The following B4GALT5 variants were observed in gnomAD, a reference collection of about 807,000 sequenced individuals.
The protein encoded by B4GALT5 is beta-1,4-galactosyltransferase 5, also known as UDP-Gal:beta-GlcNAc beta-1,4-galactosyltransferase 5.
In B4GALT5, 11 loss-of-function variants were observed where a neutral mutation model predicts 45.0. The observed-to-expected ratio is 0.24, with a 90% CI of 0.15 to 0.40. B4GALT5 has a LOEUF of 0.40. B4GALT5 is among the 10% of genes least tolerant of loss of function. The pLI is 1.00. For missense variants in B4GALT5, 337 were observed against 500.2 expected (o/e 0.67, Z 3.11); for synonymous variants, 185 against 182.9 (o/e 1.01, Z -0.09).
rs555100189 is a variant in B4GALT5 at position 49,647,186 on chromosome 20, A to G, written c.251-108T>C. 1.6e-5 allele frequency: 11 copies of G among 682,392 alleles called. No individual in the cohort carries two copies. The African/African-American group carries it at 1.8e-4, about 11-fold the overall frequency. The allele number at this position is 682,392 out of a possible 1,614,324, so 42.3% of individuals were successfully genotyped here. On this transcript the variant is annotated intron_variant, in intron 2 of 8. Coordinates refer to ENST00000371711, the MANE Select transcript of B4GALT5 (RefSeq NM_004776.4). Reference sequence around the variant, plus strand: ...TTCTCTTAGCTATCATCTTGGTAGAAGGAGACAGGACTCTGGACTACCGCT... The same window carrying G: ...TTCTCTTAGCTATCATCTTGGTAGAGGGAGACAGGACTCTGGACTACCGCT...
rs1555810431 is a variant in B4GALT5 at position 49,633,439 on chromosome 20, G to GTTATTTTT, written c.*2872_*2873insAAAAATAA. 6.8e-6 allele frequency: 1 copy of GTTATTTTT among 146,246 alleles called. No homozygotes were observed. Among genetic ancestry groups the GTTATTTTT allele is most frequent in the Non-Finnish European group, 1.5e-5 (1 of 66,606 alleles). The allele number at this position is 146,246 out of a possible 1,614,324, so 9.1% of individuals were successfully genotyped here. On this transcript the variant is annotated 3_prime_UTR_variant, in exon 9 of 9. Coordinates refer to ENST00000371711, the MANE Select transcript of B4GALT5 (RefSeq NM_004776.4). The stretch of plus-strand genomic sequence containing the variant: ...ATGCACAAGGTCACATTTGGTTCCT[G>GTTATTTTT]TTTTTTTTTTTAACATGACAATTTC...
chr20:49,651,746 C>T (rs980538017), intron 2 of B4GALT5, among the ~76,000 whole-genome samples: 1 of 152,188 alleles, frequency 6.6e-6, no homozygotes, highest in African/African-American at 2.4e-5. Context: ...GTTCAGCAGC[C>T]TTGGTTGCAC....
At chr20:49,707,092 T>G (rs2085887499) in intron 1 of B4GALT5, among the ~76,000 whole-genome samples, 1 of 152,094 alleles carries the variant, frequency 6.6e-6, no homozygotes, top group Non-Finnish European at 1.5e-5. Flanking sequence ...CGGCTAGGTA[T>G]CCTGGAACAG....
rs1431346993 is a variant in B4GALT5 at position 49,710,419 on chromosome 20, TG to T, written c.115+3156del. Among the ~76,000 whole-genome samples, 42 of 147,492 alleles carry T rather than the reference TG, an allele frequency of 2.8e-4. 1 individual carries two copies. The highest frequency in any genetic ancestry group is 3.6e-3 in the Middle Eastern group (1 of 280). The stretch of plus-strand genomic sequence containing the variant: ...ATTTTCTCTCTCTTTTTTTTTTTTT[TG>T]TGTGTGTGTGTGTGTATGAGACAGA... On this transcript the variant is annotated intron_variant, in intron 1 of 8. Coordinates refer to ENST00000371711, the MANE Select transcript of B4GALT5 (RefSeq NM_004776.4).
At position 49,636,193 on chromosome 20, in the gene B4GALT5, C is replaced by T; in HGVS notation, c.*119G>A. 1 of 1,321,840 alleles carries T rather than the reference C, an allele frequency of 7.6e-7. No homozygotes were observed. The highest frequency in any genetic ancestry group is 1.0e-6 in the Non-Finnish European group (1 of 955,426). The allele number at this position is 1,321,840 out of a possible 1,614,324, so 81.9% of individuals were successfully genotyped here. ...CATTTTCCCCCTGAACTCTGTGATC[C>T]TTCATGAGACACAGTATTTCTGTTC... On this transcript the variant is annotated 3_prime_UTR_variant, in exon 9 of 9. Coordinates refer to ENST00000371711, the MANE Select transcript of B4GALT5 (RefSeq NM_004776.4).
intron 1 of B4GALT5, among the ~76,000 whole-genome samples, chr20:49,697,784 C>A (rs1211380607): frequency 2.6e-5 from 4 of 152,138 alleles, no homozygotes; most frequent in Non-Finnish European, 1.5e-5. Context: ...ATGGTCACAT[C>A]AAAAATTACT....
Position 49,639,920 on chromosome 20 carries a change from A to G in B4GALT5, c.795-120T>C, listed in dbSNP as rs2085568842. ...TGTGCTCCTGACCTGAACCATATGA[A>G]TGTATCAAATTAGCAAAATTAATTT... On this transcript the variant is annotated intron_variant, in intron 6 of 8. Transcript: ENST00000371711. The G allele has an allele frequency of 7.5e-6, 10 of 1,341,820 alleles. No homozygotes were observed. In the South Asian group the frequency reaches 1.4e-4, roughly 19 times the overall value. 83.1% of individuals were successfully genotyped at this position (1,341,820 alleles called of 1,614,324 possible).
At chr20:49,647,568 C>T (rs2085604440) in intron 2 of B4GALT5, among the ~76,000 whole-genome samples, 1 of 152,180 alleles carries the variant, frequency 6.6e-6, no homozygotes, top group African/African-American at 2.4e-5. Context: ...CCCCAGTCTC[C>T]CATCGGTCAC....
intron 2 of B4GALT5, among the ~76,000 whole-genome samples, chr20:49,650,456 T>TAA (rs141588605): frequency 7.5e-4 from 96 of 128,428 alleles, no homozygotes; most frequent in East Asian, 6.6e-3. Flanking sequence ...CCATCTCTGC[T>TAA]AAAAAAAAAA....
intron 1 of B4GALT5, among the ~76,000 whole-genome samples, chr20:49,665,505 G>A (rs1289802253): frequency 1.3e-5 from 2 of 148,658 alleles, no homozygotes; most frequent in Non-Finnish European, 3.0e-5. Context: ...AAGTCCTAAG[G>A]ACTTTTTACA....
Position 49,663,685 on chromosome 20 carries a change from A to AAG in B4GALT5, c.116-6984_116-6983insCT, listed in dbSNP as rs1568722543. 1.3e-3 allele frequency among the ~76,000 whole-genome samples: 77 copies of AAG among 60,102 alleles called. 10 individuals are homozygous for AAG. Among genetic ancestry groups the AAG allele is most frequent in the African/African-American group, 4.3e-3 (70 of 16,392 alleles). 39.4% of individuals were successfully genotyped at this position (60,102 alleles called of 152,430 possible). A position where few individuals can be genotyped will look rare whatever the true frequency, so the allele number is the denominator to read the frequency against. On this transcript the variant is annotated intron_variant, in intron 1 of 8. Coordinates refer to ENST00000371711, the MANE Select transcript of B4GALT5 (RefSeq NM_004776.4). ...GAGAATTCATCTCAAGAAAAAAAAAAAAAAAATATATACATATATATATAT... is the reference window on the plus strand; with the variant it reads ...GAGAATTCATCTCAAGAAAAAAAAAAAGAAAAAATATATACATATATATATAT...
At chr20:49,706,247 T>C (rs1384942003) in intron 1 of B4GALT5, among the ~76,000 whole-genome samples, 1 of 151,944 alleles carries the variant, frequency 6.6e-6, no homozygotes, top group African/African-American at 2.4e-5. Context: ...TCAAGCTCTG[T>C]GCTAAGCCCT....
intron 1 of B4GALT5, among the ~76,000 whole-genome samples, chr20:49,677,672 T>C (rs1050699070): frequency 6.6e-6 from 1 of 152,114 alleles, no homozygotes; most frequent in Non-Finnish European, 1.5e-5. Context: ...GAACACAATA[T>C]AAAATAAGGA....
chr20:49,651,713 T>C (rs1331453203), intron 2 of B4GALT5, among the ~76,000 whole-genome samples: 1 of 152,242 alleles, frequency 6.6e-6, no homozygotes, highest in Non-Finnish European at 1.5e-5. Flanking sequence ...CAACTGCTTA[T>C]TCAGCATTGC....
At chr20:49,676,363 G>C (rs866510510) in intron 1 of B4GALT5, among the ~76,000 whole-genome samples, 1 of 152,104 alleles carries the variant, frequency 6.6e-6, no homozygotes, top group South Asian at 2.1e-4. Context: ...CTAATTTGCG[G>C]TTAGAACACA....
rs73119777 is a variant in B4GALT5, at chr20:49,677,784, C to T, written c.116-21082G>A. 6.8e-3 allele frequency among the ~76,000 whole-genome samples: 1,041 copies of T among 152,318 alleles called. 6 individuals are homozygous for T. Among genetic ancestry groups the T allele is most frequent in the Non-Finnish European group, 0.012 (805 of 68,028 alleles). Reference sequence around the variant, plus strand: ...TTTTTGGGATGGAGTCTCACTCTAACGCCCTGGCTGGAGTGCAATGGTGCA... The same window carrying T: ...TTTTTGGGATGGAGTCTCACTCTAATGCCCTGGCTGGAGTGCAATGGTGCA... On this transcript the variant is annotated intron_variant, in intron 1 of 8. Coordinates refer to ENST00000371711, the MANE Select transcript of B4GALT5 (RefSeq NM_004776.4).
chr20:49,685,531 G>T (rs1440050777), intron 1 of B4GALT5, among the ~76,000 whole-genome samples: 2 of 152,160 alleles, frequency 1.3e-5, no homozygotes, highest in African/African-American at 4.8e-5. Flanking sequence ...AACAGTAGGG[G>T]AGAAAAACGC....
Position 49,636,162 on chromosome 20 carries a change from C to G in B4GALT5, c.*150G>C, listed in dbSNP as rs896077830. On this transcript the variant is annotated 3_prime_UTR_variant, in exon 9 of 9. Coordinates refer to ENST00000371711, the MANE Select transcript of B4GALT5 (RefSeq NM_004776.4). ...TCCAGTGAAGGCGTTTGTGCGTGTG[C>G]TGTCACATTTTCCCCCTGAACTCTG... is the stretch of plus-strand genomic sequence containing the variant. The G allele has an allele frequency of 5.8e-6, 6 of 1,032,436 alleles. No homozygotes were observed. Among genetic ancestry groups the G allele is most frequent in the Middle Eastern group, 6.2e-4 (2 of 3,210 alleles). The allele number at this position is 1,032,436 out of a possible 1,614,324, so 64.0% of individuals were successfully genotyped here.
chr20:49,654,977 T>C (rs2085636220), intron 2 of B4GALT5, among the ~76,000 whole-genome samples: 1 of 151,650 alleles, frequency 6.6e-6, no homozygotes, highest in South Asian at 2.1e-4. Context: ...CTACAAACAA[T>C]ACAAAAAATG....
Sources: gnomAD v4.1 joint callset for allele counts (sites outside exome capture counted in the v4.1 genomes callset) on GRCh38, gnomAD v4.1.1 for gene constraint, MANE v1.5 for transcripts, NCBI Gene and HGNC (gene_info 2026-07-23, HGNC 2026-07-21) for gene names.